CFAP61: variants seen among roughly 807,000 people sequenced by gnomAD.
CFAP61 encodes cilia- and flagella-associated protein 61.
Under a neutral mutation model 135.6 loss-of-function variants are expected in CFAP61, and 107 were observed. That is an observed-to-expected ratio of 0.79 (90% CI 0.67 to 0.93). The LOEUF (loss-of-function observed/expected upper bound fraction) is 0.93, where lower values mean the gene tolerates loss of function less well. CFAP61 is among the 40% of genes least tolerant of loss of function. The pLI, the probability that CFAP61 is intolerant of heterozygous loss-of-function variation, is 0.00. For synonymous variants in CFAP61, 575 were observed against 578.5 expected (o/e 0.99, Z 0.09); for missense variants, 1,507 against 1,556.2 (o/e 0.97, Z 0.53).
chr20:20,289,320 C>T (rs937262204), intron 23 of CFAP61, among the ~76,000 whole-genome samples: 1 of 151,798 alleles, frequency 6.6e-6, no homozygotes, highest in Non-Finnish European at 1.5e-5. Flanking sequence ...GAGACCCTTC[C>T]AGGCAGCCAG....
chr20:20,295,991 CTCCT>C lies in CFAP61; in HGVS notation c.3217-2174_3217-2171del, dbSNP rs1208157861. ...TGCACACCAACGCCTGCATGCTTCCCTCCTTCCTTCCTTCCTTCCCTCCTTTCCT... is the reference window on the plus strand; with the variant it reads ...TGCACACCAACGCCTGCATGCTTCCCTCCTTCCTTCCTTCCCTCCTTTCCT... On this transcript the variant is annotated intron_variant, in intron 24 of 26. Coordinates refer to ENST00000245957, the MANE Select transcript of CFAP61 (RefSeq NM_015585.4). Among the ~76,000 whole-genome samples, 323 of 88,964 alleles carry C rather than the reference CTCCT, an allele frequency of 3.6e-3. 40 individuals are homozygous for C. The highest frequency in any genetic ancestry group is 0.012 in the African/African-American group (289 of 24,328). 58.4% of individuals were successfully genotyped at this position (88,964 alleles called of 152,430 possible).
intron 26 of CFAP61, among the ~76,000 whole-genome samples, chr20:20,358,485 G>T (rs893462973): frequency 1.2e-4 from 18 of 152,170 alleles, no homozygotes; most frequent in African/African-American, 4.3e-4. Flanking sequence ...ATTGTTTTTG[G>T]TTGGTTTGAT....
chr20:20,326,922 G>A (rs6046796), intron 25 of CFAP61, among the ~76,000 whole-genome samples: 1 of 151,984 alleles, frequency 6.6e-6, no homozygotes, highest in Non-Finnish European at 1.5e-5. Context: ...TTACCATTCA[G>A]GTCTTTTTAA....
chr20:20,322,027 T>G (rs1412788978), intron 25 of CFAP61, among the ~76,000 whole-genome samples: 1 of 152,208 alleles, frequency 6.6e-6, no homozygotes, highest in East Asian at 1.9e-4. Flanking sequence ...CACCATGCTG[T>G]GAGGAAGCCC....
intron 21 of CFAP61, among the ~76,000 whole-genome samples, chr20:20,275,476 T>C (rs534332454): frequency 6.6e-6 from 1 of 152,336 alleles, no homozygotes; most frequent in East Asian, 1.9e-4. Context: ...ACCTTTGGAA[T>C]TGAAAAGTAT....
intron 8 of CFAP61, among the ~76,000 whole-genome samples, chr20:20,116,254 A>G (rs536773915): frequency 6.6e-6 from 1 of 152,068 alleles, no homozygotes; most frequent in African/African-American, 2.4e-5. Context: ...AGAAATGTCT[A>G]TTCAGATCTT....
chr20:20,333,387 T>A (rs2058069141), intron 25 of CFAP61, among the ~76,000 whole-genome samples: 1 of 152,134 alleles, frequency 6.6e-6, no homozygotes, highest in Admixed American at 6.5e-5. Context: ...CCAGATTACA[T>A]AAGCTGACAA....
chr20:20,227,065 G>A (rs2048787788), intron 17 of CFAP61, among the ~76,000 whole-genome samples: 1 of 152,202 alleles, frequency 6.6e-6, no homozygotes, highest in South Asian at 2.1e-4. Context: ...AGAGAAATGG[G>A]ATTTAAGCTC....
chr20:20,065,734 C>G lies in CFAP61; in HGVS notation c.144-5120C>G, dbSNP rs558358695. The stretch of plus-strand genomic sequence containing the variant: ...AAACTGATCTCACCTAAAAATCCAG[C>G]TAAATTTTAGCAGATTGGGCATGGC... On this transcript the variant is annotated intron_variant, in intron 2 of 26. Coordinates refer to ENST00000245957, the MANE Select transcript of CFAP61 (RefSeq NM_015585.4). 9.2e-5 allele frequency among the ~76,000 whole-genome samples: 14 copies of G among 152,052 alleles called. No individual in the cohort carries two copies. The East Asian group carries it at 2.5e-3, about 27-fold the overall frequency.
intron 22 of CFAP61, among the ~76,000 whole-genome samples, chr20:20,287,989 ATATGGTAGGTATG>A (rs2054719777): frequency 1.3e-5 from 2 of 152,182 alleles, no homozygotes; most frequent in African/African-American, 4.8e-5. Context: ...AGTGCCTGGC[ATATGGTAGGTATG>A]CCATCAGTAT....
intron 8 of CFAP61, among the ~76,000 whole-genome samples, chr20:20,114,747 T>A (rs2049021566): frequency 6.6e-6 from 1 of 152,126 alleles, no homozygotes; most frequent in Non-Finnish European, 1.5e-5. Flanking sequence ...TTTAAATTTG[T>A]TTATCTACTG....
intron 24 of CFAP61, among the ~76,000 whole-genome samples, chr20:20,294,785 G>T (rs1047881651): frequency 6.6e-6 from 1 of 151,120 alleles, no homozygotes. Flanking sequence ...AAAATTAGCC[G>T]GGCGCGGTGG....
At chr20:20,199,562 A>G (rs2056493567) in intron 16 of CFAP61, among the ~76,000 whole-genome samples, 1 of 151,726 alleles carries the variant, frequency 6.6e-6, no homozygotes, top group Admixed American at 6.6e-5. Flanking sequence ...TAATGTAATT[A>G]CTCTCGTAAT....
intron 16 of CFAP61, among the ~76,000 whole-genome samples, chr20:20,197,636 A>C (rs2056381888): frequency 6.6e-6 from 1 of 151,766 alleles, no homozygotes; most frequent in Non-Finnish European, 1.5e-5. Flanking sequence ...CCCCTCCCCC[A>C]CACGCACACA....
At chr20:20,186,572 T>C (rs1229102864) in intron 13 of CFAP61, among the ~76,000 whole-genome samples, 2 of 152,238 alleles carry the variant, frequency 1.3e-5, no homozygotes, top group African/African-American at 4.8e-5. Flanking sequence ...CATTTACATC[T>C]GTAATCCACT....
In CFAP61 at chr20:20,359,362, T is replaced by A. The variant is rs963790324; in HGVS notation, c.3514-848T>A. ...ATCACTCCTTTTTTTTATTTTTAAATTTTTTTATTTTTAAAACAGAGGCAG... is the reference window on the plus strand; with the variant it reads ...ATCACTCCTTTTTTTTATTTTTAAAATTTTTTATTTTTAAAACAGAGGCAG... On this transcript the variant is annotated intron_variant, in intron 26 of 26. Coordinates refer to ENST00000245957, the MANE Select transcript of CFAP61 (RefSeq NM_015585.4). This position sits in a 1 kb window ranked among gnomAD's most constrained non-coding sequence, Gnocchi z 4.0. Among the ~76,000 whole-genome samples, 2 of 152,090 alleles carry A rather than the reference T, an allele frequency of 1.3e-5. No homozygotes were observed. Among genetic ancestry groups the A allele is most frequent in the Admixed American group, 1.3e-4 (2 of 15,258 alleles).
chr20:20,238,324 G>C (rs1264916727), intron 18 of CFAP61, among the ~76,000 whole-genome samples: 3 of 152,296 alleles, frequency 2.0e-5, no homozygotes, highest in African/African-American at 7.2e-5. Flanking sequence ...TTAACTAGTA[G>C]AATATGTAGA....
chr20:20,095,599 T>G (rs1339954923), intron 7 of CFAP61: 1 of 152,302 alleles, frequency 6.6e-6, no homozygotes, highest in Non-Finnish European at 1.5e-5. Flanking sequence ...TGACATCTGG[T>G]GTTTACTCCA....
At chr20:20,141,244 TTGG>T (rs1217287558) in intron 8 of CFAP61, among the ~76,000 whole-genome samples, 2 of 152,134 alleles carry the variant, frequency 1.3e-5, no homozygotes, top group African/African-American at 4.8e-5. Flanking sequence ...TTTATAGGCG[TTGG>T]TTGTTCAGGA....
Sources: gnomAD v4.1 joint callset for allele counts (sites outside exome capture counted in the v4.1 genomes callset) on GRCh38, gnomAD v4.1.1 for gene constraint, Gnocchi (gnomAD v3.1) non-coding constraint, MANE v1.5 for transcripts, NCBI Gene and HGNC (gene_info 2026-07-23, HGNC 2026-07-21) for gene names.